The following FAM124B variants were observed in gnomAD, a reference collection of about 807,000 sequenced individuals.
FAM124B encodes the protein family with sequence similarity 124 member B.
FAM124B carries 18 observed loss-of-function variants against 19.7 expected under a neutral mutation model. That is an observed-to-expected ratio of 0.92 (90% confidence interval 0.63 to 1.36). The LOEUF is 1.36. Among genes scored for constraint, FAM124B ranks in the 40% most tolerant of loss-of-function variants. The pLI, the probability that FAM124B is intolerant of heterozygous loss-of-function variation, is 0.00. For synonymous variants in FAM124B, 223 were observed against 225.2 expected, an observed-to-expected ratio of 0.99 and a Z score of 0.09; for missense variants, 540 against 553.3, an observed-to-expected ratio of 0.98 and a Z score of 0.24.
chr2:224,394,545 C>T (rs1269675601), intron 1 of FAM124B, among the ~76,000 whole-genome samples: 3 of 152,126 alleles, frequency 2.0e-5, no homozygotes, highest in African/African-American at 7.2e-5. Context: ...GTCAGTCAAG[C>T]CCCCTTCCAA....
At chr2:224,386,758 T>A (rs1689806536) in intron 1 of FAM124B, among the ~76,000 whole-genome samples, 1 of 152,216 alleles carries the variant, frequency 6.6e-6, no homozygotes, top group African/African-American at 2.4e-5. Context: ...TAACATTCAA[T>A]AAGTAATCAC....
At chr2:224,389,739 C>T (rs1689850754) in intron 1 of FAM124B, among the ~76,000 whole-genome samples, 1 of 152,054 alleles carries the variant, frequency 6.6e-6, no homozygotes, top group African/African-American at 2.4e-5. Flanking sequence ...GAGGCTAAAA[C>T]CTCAAGAGAT....
At chr2:224,392,226 T>C (rs1689899169) in intron 1 of FAM124B, among the ~76,000 whole-genome samples, 1 of 152,114 alleles carries the variant, frequency 6.6e-6, no homozygotes, top group Admixed American at 6.6e-5. Context: ...GAAGATTCCT[T>C]GAGACCAGGA....
chr2:224,389,843 G>T (rs1051229577), intron 1 of FAM124B, among the ~76,000 whole-genome samples: 4 of 152,042 alleles, frequency 2.6e-5, no homozygotes, highest in African/African-American at 9.7e-5. Flanking sequence ...GGAAATCTTC[G>T]GTGCAGGGCA....
Position 224,401,324 on chromosome 2 carries a change from A to T in FAM124B, c.445T>A (p.Tyr149Asn). The T allele has an allele frequency of 6.2e-7, 1 of 1,614,046 alleles. No individual in the cohort carries two copies. Among genetic ancestry groups the T allele is most frequent in the Admixed American group, 1.7e-5 (1 of 60,002 alleles). ...TCGTAGAGTCTGATGGCGTCTTCAT[A>T]GTTATCAAAACTGCAGTACAGCGTC... is the stretch of plus-strand genomic sequence containing the variant. ...RVTLYCSFDNYEDAIRLYEMI... is the reference protein window; with the variant it reads ...RVTLYCSFDNNEDAIRLYEMI... Residue 149 changes from tyrosine to asparagine, a missense_variant, in exon 1 of 2, where the codon TAT (tyrosine) becomes AAT (asparagine). Physicochemically the swap from Tyr to Asn is moderately radical, Grantham distance 143. Transcript: ENST00000409685.
chr2:224,399,370 T>C (rs990486269), intron 1 of FAM124B, among the ~76,000 whole-genome samples: 6 of 152,252 alleles, frequency 3.9e-5, no homozygotes, highest in African/African-American at 1.4e-4. Context: ...GTCTACCTTA[T>C]GTGAGCAAGA....
chr2:224,401,794 G>C lies in FAM124B; in HGVS notation c.-26C>G, dbSNP rs1380878612. 6.3e-7 allele frequency: 1 copy of C among 1,593,316 alleles called. No homozygotes were observed. The highest frequency in any genetic ancestry group is 8.6e-7 in the Non-Finnish European group (1 of 1,168,750). ...GGAGGAACTGCCTGAGGCTGACAAAGACAGCGTGTGTAGAAGGCCCACTGT... is the reference window on the plus strand; with the variant it reads ...GGAGGAACTGCCTGAGGCTGACAAACACAGCGTGTGTAGAAGGCCCACTGT... On this transcript the variant is annotated 5_prime_UTR_variant, in exon 1 of 2. Transcript: ENST00000409685.
At chr2:224,390,047 A>AT (rs1689854902) in intron 1 of FAM124B, among the ~76,000 whole-genome samples, 1 of 151,914 alleles carries the variant, frequency 6.6e-6, no homozygotes, top group Non-Finnish European at 1.5e-5. Context: ...CATCCAAAAT[A>AT]TGTCAACAGT....
chr2:224,379,748 G>A lies in FAM124B; in HGVS notation c.1193C>T (p.Ser398Phe), dbSNP rs953340363. ...TTTGGAGGTAGCCACCCCCAAGGAA[G>A]AGGCTGGCAAGCAGAATGGTGGCTG... ...TSQPPFCLPA[S>F]SLGVATSKNN... Residue 398 changes from serine to phenylalanine, a missense_variant, in exon 2 of 2, where the codon TCT becomes TTT. Physicochemically the swap from Ser to Phe is radical, Grantham distance 155 (BLOSUM62 -2). Coordinates refer to ENST00000409685, the MANE Select transcript of FAM124B (RefSeq NM_001122779.2). 6.4e-7 allele frequency: 1 copy of A among 1,551,762 alleles called. No homozygotes were observed. Among genetic ancestry groups the A allele is most frequent in the Admixed American group, 2.0e-5 (1 of 51,010 alleles).
chr2:224,379,277 C>A lies in FAM124B; in HGVS notation c.*296G>T. 6.3e-6 allele frequency: 2 copies of A among 315,672 alleles called. No individual in the cohort carries two copies. The highest frequency in any genetic ancestry group is 4.9e-5 in the South Asian group (1 of 20,500). 19.6% of individuals were successfully genotyped at this position (315,672 alleles called of 1,614,324 possible). A position where few individuals can be genotyped will look rare whatever the true frequency, so the allele number is the denominator to read the frequency against. On this transcript the variant is annotated 3_prime_UTR_variant, in exon 2 of 2. Coordinates refer to ENST00000409685, the MANE Select transcript of FAM124B (RefSeq NM_001122779.2). ...TTCATTTGCATACAATGCAATTATCCTGATAGGTGCTGGATTCAACACATC... is the reference window on the plus strand; with the variant it reads ...TTCATTTGCATACAATGCAATTATCATGATAGGTGCTGGATTCAACACATC...
chr2:224,401,668 C>T lies in FAM124B; in HGVS notation c.101G>A (p.Cys34Tyr), dbSNP rs1690077721. The T allele has an allele frequency of 3.7e-6, 6 of 1,614,184 alleles. No individual in the cohort carries two copies. The East Asian group carries it at 1.3e-4, about 36-fold the overall frequency. ...AAAGAGCCGGACCTCTGGGCAAATG[C>T]AATCCAGGAGCTGGTCCAGAGTCCT... is the stretch of plus-strand genomic sequence containing the variant. The part of the protein sequence containing the change: ...LQRTLDQLLD[C>Y]ICPEVRLFQV... The change falls in exon 1 of 2, where the codon TGC becomes TAC. Residue 34 changes from cysteine to tyrosine, a missense_variant. By Grantham distance (194) the Cys-to-Tyr change is radical. Transcript: ENST00000409685.
rs953394068 is a variant in FAM124B, at chr2:224,379,974, C to T, written c.967G>A (p.Val323Ile). ...SWKSPGRSFQVSSPAMGAHLH... is the reference protein window; with the variant it reads ...SWKSPGRSFQISSPAMGAHLH... Reference sequence around the variant, plus strand: ...TGGGCACCCATAGCTGGGCTGCTGACCTGGAATGACCGGCCAGGGCTTTTC... The same window carrying T: ...TGGGCACCCATAGCTGGGCTGCTGATCTGGAATGACCGGCCAGGGCTTTTC... The change falls in exon 2 of 2, where the codon GTC (valine) becomes ATC (isoleucine). Residue 323 changes from valine (V) to isoleucine (I), a missense_variant. By Grantham distance (29) the Val-to-Ile change is conservative. Coordinates refer to ENST00000409685, the MANE Select transcript of FAM124B (RefSeq NM_001122779.2). The T allele has an allele frequency of 6.4e-7, 1 of 1,551,626 alleles. No individual in the cohort carries two copies. The highest frequency in any genetic ancestry group is 8.7e-7 in the Non-Finnish European group (1 of 1,147,022).
intron 1 of FAM124B, among the ~76,000 whole-genome samples, chr2:224,393,270 A>G (rs1025018923): frequency 2.6e-5 from 4 of 152,228 alleles, no homozygotes; most frequent in Non-Finnish European, 5.9e-5. Context: ...CATGAGTTTC[A>G]GCTCATCCCT....
intron 1 of FAM124B, 84 bp from the exon 2 acceptor site, chr2:224,380,292 T>C: frequency 8.4e-7 from 1 of 1,188,194 alleles, no homozygotes. Context: ...ATTCACCCTC[T>C]GCCATGCCAT....
At chr2:224,399,626 G>T (rs779271863) in intron 1 of FAM124B, 1 of 152,066 alleles carries the variant, frequency 6.6e-6, no homozygotes, top group Non-Finnish European at 1.5e-5. Flanking sequence ...GGACTGCAGC[G>T]GCTGACCACA....
intron 1 of FAM124B, among the ~76,000 whole-genome samples, chr2:224,396,822 A>C (rs2106087860): frequency 6.6e-6 from 1 of 152,364 alleles, no homozygotes; most frequent in African/African-American, 2.4e-5. Context: ...CTTGGAATCC[A>C]CATGAAGGAT....
chr2:224,401,500 T>A lies in FAM124B; in HGVS notation c.269A>T (p.Gln90Leu). The change falls in exon 1 of 2, where the codon CAG (glutamine) becomes CTG (leucine). Residue 90 changes from glutamine to leucine, a missense_variant. Physicochemically the swap from Gln to Leu is moderately radical, Grantham distance 113. Transcript: ENST00000409685. ...GGGGTAGCACTGCCATGGCGAATGC[T>A]GGAGAGAGTCCAGGACGCGAAATAG... Reference protein sequence around the residue: ...DRLFRVLDSLQHSPWQCYPTQ... With the variant: ...DRLFRVLDSLLHSPWQCYPTQ... 1 of 1,614,112 alleles carries A rather than the reference T, an allele frequency of 6.2e-7. No individual in the cohort carries two copies. Among genetic ancestry groups the A allele is most frequent in the Non-Finnish European group, 8.5e-7 (1 of 1,180,010 alleles).
chr2:224,400,626 A>T (rs1350432301), intron 1 of FAM124B: 1 of 586,826 alleles, frequency 1.7e-6, no homozygotes. Context: ...TAAACAAAGG[A>T]TAGGGGTATA....
intron 1 of FAM124B, among the ~76,000 whole-genome samples, chr2:224,396,552 C>T (rs115940243): frequency 2.1e-3 from 326 of 152,262 alleles, no homozygotes; most frequent in African/African-American, 7.4e-3. Context: ...CTTACTTTTG[C>T]TGAACATCAG....
Sources: allele counts gnomAD v4.1 joint callset (sites outside exome capture counted in the v4.1 genomes callset), GRCh38; gene constraint gnomAD v4.1.1; transcripts MANE v1.5; gene names NCBI Gene and HGNC (gene_info 2026-07-23, HGNC 2026-07-21).